Variants in DISC1 observed in about 807,000 individuals in gnomAD.
DISC1 encodes the protein disrupted in schizophrenia 1 protein.
A neutral mutation model predicts 84.5 loss-of-function variants in DISC1; 57 were observed. That is an observed-to-expected ratio of 0.67 (90% CI 0.55 to 0.84). DISC1 has a LOEUF of 0.84. DISC1 is among the 40% of genes least tolerant of loss of function. The probability of loss-of-function intolerance (pLI) is 0.00; values close to 1 mark genes in which losing one functional copy is unlikely to be tolerated. For synonymous variants in DISC1, 411 were observed against 415.2 expected, an observed-to-expected ratio of 0.99 and a Z score of 0.12; for missense variants, 1,000 against 1,057.8, an observed-to-expected ratio of 0.95 and a Z score of 0.76.
At chr1:231,979,703 A>G (rs1164103907) in intron 10 of DISC1, among the ~76,000 whole-genome samples, 1 of 151,114 alleles carries the variant, frequency 6.6e-6, no homozygotes, top group Non-Finnish European at 1.5e-5. Flanking sequence ...TATAAAATAT[A>G]CTAATGCAAA....
chr1:231,775,147 A>C (rs1181543808), intron 6 of DISC1, among the ~76,000 whole-genome samples: 1 of 152,380 alleles, frequency 6.6e-6, no homozygotes, highest in African/African-American at 2.4e-5. Context: ...TGTTATCATC[A>C]TCTATAAGGA....
chr1:231,821,998 G>A (rs997421390), intron 9 of DISC1, among the ~76,000 whole-genome samples: 1 of 152,064 alleles, frequency 6.6e-6, no homozygotes, highest in African/African-American at 2.4e-5. Context: ...ACCGCGCCCG[G>A]CCTACAACTG....
At chr1:231,913,178 G>T (rs531943821) in intron 9 of DISC1, among the ~76,000 whole-genome samples, 8 of 152,260 alleles carry the variant, frequency 5.3e-5, no homozygotes, top group African/African-American at 1.9e-4. Context: ...TCCCAAAAAA[G>T]CATCTTGTTT....
chr1:231,849,603 T>C (rs2125895019), intron 9 of DISC1, among the ~76,000 whole-genome samples: 1 of 152,282 alleles, frequency 6.6e-6, no homozygotes, highest in Admixed American at 6.5e-5. Context: ...TGCGTGTGTT[T>C]CCCTCATACC....
At chr1:231,771,660 T>G (rs1272183730) in intron 6 of DISC1, 1 of 892,078 alleles carries the variant, frequency 1.1e-6, no homozygotes, top group African/African-American at 1.8e-5. Context: ...AAGTCCTAAT[T>G]AATAAGAGAG....
At chr1:231,798,145 A>ACACACACC (rs1417678220) in intron 7 of DISC1, among the ~76,000 whole-genome samples, 1 of 151,740 alleles carries the variant, frequency 6.6e-6, no homozygotes, top group East Asian at 1.9e-4. Flanking sequence ...ATACACACAC[A>ACACACACC]CCCCTACCTG....
At chr1:231,703,480 G>C (rs375936692) in intron 3 of DISC1, among the ~76,000 whole-genome samples, 149 of 152,280 alleles carry the variant, frequency 9.8e-4, no homozygotes, top group African/African-American at 3.6e-3. Context: ...CTATTGCACA[G>C]ATTTATTTTT....
rs9431998 is a variant in DISC1 at position 231,792,157 on chromosome 1, A to G, written c.1635-3085A>G. On this transcript the variant is annotated intron_variant, in intron 6 of 12. Transcript: ENST00000439617. ...TGAGCAAAACGTAATTGGGAAGGCAAATCTGTTGCAAAAAGGAATATAGCA... is the reference window on the plus strand; with the variant it reads ...TGAGCAAAACGTAATTGGGAAGGCAGATCTGTTGCAAAAAGGAATATAGCA... Among the ~76,000 whole-genome samples the G allele has an allele frequency of 4.4e-3, 668 of 152,328 alleles. 4 individuals carry two copies. Among genetic ancestry groups the G allele is most frequent in the African/African-American group, 0.015 (643 of 41,574 alleles).
At chr1:231,767,439 G>C (rs1442966138) in intron 5 of DISC1, among the ~76,000 whole-genome samples, 170 bp downstream of exon 5, 1 of 152,192 alleles carries the variant, frequency 6.6e-6, no homozygotes, top group Non-Finnish European at 1.5e-5. Context: ...TGGATCTACA[G>C]GTGTGAACCC....
chr1:231,990,369 G>T, intron 10 of DISC1, among the ~76,000 whole-genome samples: 1 of 151,880 alleles, frequency 6.6e-6, no homozygotes, highest in East Asian at 1.9e-4. Context: ...CCGGCCAAGA[G>T]TCCCCCTGCT....
intron 8 of DISC1, among the ~76,000 whole-genome samples, chr1:231,810,585 CAG>C (rs2080198927): frequency 1.3e-5 from 2 of 152,144 alleles, no homozygotes; most frequent in African/African-American, 4.8e-5. Flanking sequence ...TGCAATTTGG[CAG>C]AGACTCAAAG....
At chr1:231,914,858 A>G (rs1300455592) in intron 9 of DISC1, among the ~76,000 whole-genome samples, 1 of 152,236 alleles carries the variant, frequency 6.6e-6, no homozygotes, top group Non-Finnish European at 1.5e-5. Flanking sequence ...CTTTTGGTGG[A>G]GAGCAAATGA....
intron 10 of DISC1, among the ~76,000 whole-genome samples, chr1:231,988,376 A>G (rs1226780342): frequency 6.6e-6 from 1 of 152,226 alleles, no homozygotes; most frequent in Non-Finnish European, 1.5e-5. Context: ...TTAAGTCACA[A>G]ATCTTTTTAA....
chr1:231,736,904 A>T (rs980681991), intron 3 of DISC1, among the ~76,000 whole-genome samples: 1 of 152,258 alleles, frequency 6.6e-6, no homozygotes, highest in Non-Finnish European at 1.5e-5. Context: ...GGAAGTGGGA[A>T]TCGAATCTAT....
At chr1:231,904,500 C>T (rs1051540225) in intron 9 of DISC1, among the ~76,000 whole-genome samples, 2 of 152,106 alleles carry the variant, frequency 1.3e-5, no homozygotes, top group African/African-American at 2.4e-5. Context: ...AGGGACAAAA[C>T]TAGAAGGAAC....
intron 9 of DISC1, among the ~76,000 whole-genome samples, chr1:231,873,979 C>T (rs1472596382): frequency 6.6e-6 from 1 of 151,938 alleles, no homozygotes. Context: ...CTCTGAGTAG[C>T]TGGGACTACA....
chr1:231,993,289 G>T (rs1044524173), intron 10 of DISC1, among the ~76,000 whole-genome samples: 6 of 151,934 alleles, frequency 3.9e-5, no homozygotes, highest in Non-Finnish European at 8.8e-5. Context: ...GAGTAGGGCT[G>T]AGGGCATCTT....
intron 9 of DISC1, among the ~76,000 whole-genome samples, chr1:231,836,344 G>A (rs529621471): frequency 6.6e-6 from 1 of 152,292 alleles, no homozygotes; most frequent in South Asian, 2.1e-4. Context: ...AGTTTAAGGA[G>A]GGGGTTCAAA....
chr1:231,627,241 A>G (rs2058335964), intron 1 of DISC1, among the ~76,000 whole-genome samples: 1 of 152,044 alleles, frequency 6.6e-6, no homozygotes, highest in Non-Finnish European at 1.5e-5. Flanking sequence ...TGTCCAGGTG[A>G]CCGGGAAAGG....
Sources: gnomAD v4.1 joint callset for allele counts (sites outside exome capture counted in the v4.1 genomes callset) on GRCh38, gnomAD v4.1.1 for gene constraint, MANE v1.5 for transcripts, NCBI Gene and HGNC (gene_info 2026-07-23, HGNC 2026-07-21) for gene names.